The following ADGRL2 variants were observed in gnomAD, a reference collection of about 807,000 sequenced individuals.
ADGRL2 encodes adhesion G protein-coupled receptor L2, also known as calcium-independent alpha-latrotoxin receptor 2.
Under a neutral mutation model 157.4 loss-of-function variants are expected in ADGRL2, and 44 were observed. That is an observed-to-expected ratio of 0.28 (90% CI 0.22 to 0.36). The LOEUF is 0.36. ADGRL2 is among the 10% of genes least tolerant of loss of function. The pLI, the probability that ADGRL2 is intolerant of heterozygous loss-of-function variation, is 1.00. For missense variants in ADGRL2, 1,510 were observed against 1,768.9 expected (o/e 0.85, Z 2.63); for synonymous variants, 585 against 624.7 (o/e 0.94, Z 0.95).
chr1:81,990,487 A>G lies in ADGRL2; in HGVS notation c.3752A>G (p.Tyr1251Cys), dbSNP rs1205396115. 1.2e-6 allele frequency: 2 copies of G among 1,614,010 alleles called. No homozygotes were observed. Among genetic ancestry groups the G allele is most frequent in the Non-Finnish European group, 1.7e-6 (2 of 1,179,984 alleles). ...AGCTACTCGCTGCACAAGGGTGACT[A>G]TAATGACAGCGTGCAAGTTGTGGAC... ...NNSYSLHKGDYNDSVQVVDCG... is the reference protein window; with the variant it reads ...NNSYSLHKGDCNDSVQVVDCG... Residue 1251 changes from tyrosine (Y) to cysteine (C), a missense_variant, in exon 24 of 24, where the codon TAT (tyrosine) becomes TGT (cysteine). Transcript: ENST00000686636.
At chr1:81,425,520 A>C (rs975653635) in intron 1 of ADGRL2, among the ~76,000 whole-genome samples, 3 of 152,234 alleles carry the variant, frequency 2.0e-5, no homozygotes, top group African/African-American at 7.2e-5. Context: ...TGCCTGGCTC[A>C]TGGCAAGTTT....
Position 81,619,275 on chromosome 1 carries a change from C to CT in ADGRL2, c.-143+38309dup, listed in dbSNP as rs36114889. ...ACACCAAAGTCCAGCACAGTTGTGG[C>CT]TTTTTTTTTTTTTTAAGGTGTCTGC... On this transcript the variant is annotated intron_variant, in intron 3 of 24. Coordinates refer to the ADGRL2 transcript ENST00000370721. Among the ~76,000 whole-genome samples the CT allele has an allele frequency of 1.6e-3, 226 of 145,726 alleles. 3 individuals carry two copies. The highest frequency in any genetic ancestry group is 4.2e-3 in the South Asian group (19 of 4,564).
intron 1 of ADGRL2, among the ~76,000 whole-genome samples, chr1:81,383,358 G>T (rs2076375201): frequency 6.6e-6 from 1 of 151,922 alleles, no homozygotes; most frequent in African/African-American, 2.4e-5. Context: ...AGGTAAAAAC[G>T]GCTTTCATGT....
intron 1 of ADGRL2, among the ~76,000 whole-genome samples, chr1:81,421,992 T>G (rs1228081265): frequency 6.6e-6 from 1 of 152,184 alleles, no homozygotes; most frequent in Non-Finnish European, 1.5e-5. Flanking sequence ...TTCTTAATAG[T>G]ATTACTTACA....
Position 81,600,568 on chromosome 1 carries a change from A to G in ADGRL2, c.-143+19588A>G, listed in dbSNP as rs552835373. Among the ~76,000 whole-genome samples the G allele has an allele frequency of 2.6e-5, 4 of 152,344 alleles. No homozygotes were observed. In the South Asian group the frequency reaches 8.3e-4, roughly 32 times the overall value. Reference sequence around the variant, plus strand: ...TGCCTGATTTGCAGTTCTGCACTCTATCAGAATTTTATATCTGGAAGATAA... The same window carrying G: ...TGCCTGATTTGCAGTTCTGCACTCTGTCAGAATTTTATATCTGGAAGATAA... On this transcript the variant is annotated intron_variant, in intron 3 of 24. Transcript: ENST00000370721.
chr1:81,707,564 A>G (rs2083778722), intron 1 of ADGRL2, among the ~76,000 whole-genome samples: 1 of 152,202 alleles, frequency 6.6e-6, no homozygotes, highest in Non-Finnish European at 1.5e-5. Flanking sequence ...CTACCTTATT[A>G]GGCTTAGTTT....
intron 3 of ADGRL2, among the ~76,000 whole-genome samples, chr1:81,613,006 G>A (rs184277763): frequency 3.9e-5 from 6 of 152,250 alleles, no homozygotes; most frequent in African/African-American, 1.2e-4. Flanking sequence ...CATGGTCCCT[G>A]TCCTCAAAGA....
At chr1:81,398,712 T>C (rs1159771191) in intron 1 of ADGRL2, among the ~76,000 whole-genome samples, 1 of 152,216 alleles carries the variant, frequency 6.6e-6, no homozygotes, top group Non-Finnish European at 1.5e-5. Flanking sequence ...TTCAACACTT[T>C]GAATATATCA....
Position 81,991,326 on chromosome 1 carries a change from T to G in ADGRL2, c.*181T>G, listed in dbSNP as rs534548504. On this transcript the variant is annotated 3_prime_UTR_variant, in exon 24 of 24. Transcript: ENST00000686636. The stretch of plus-strand genomic sequence containing the variant: ...AATTTTTATAAAACATACAAAAACT[T>G]TGTATATACACAGAGTATACTAAAG... 1.8e-6 allele frequency: 1 copy of G among 544,778 alleles called. No homozygotes were observed. The highest frequency in any genetic ancestry group is 1.9e-5 in the African/African-American group (1 of 53,522). 33.7% of individuals were successfully genotyped at this position (544,778 alleles called of 1,614,324 possible).
At chr1:81,502,250 C>G in intron 2 of ADGRL2, 1 of 1,612,818 alleles carries the variant, frequency 6.2e-7, no homozygotes, top group South Asian at 1.1e-5. Context: ...TAAAGAAGAC[C>G]ATACCAAAGA....
Position 81,943,144 on chromosome 1 carries a change from T to G in ADGRL2, c.585T>G (p.Asp195Glu), listed in dbSNP as rs1167668750. ...DTLIEYASLE[D>E]FQNSRQTTTY... ...TAATAGAATATGCTTCTTTAGAAGA[T>G]TTCCAAAATAGTCGCCAAACAACAA... The change falls in exon 6 of 24, where the codon GAT becomes GAG. Residue 195 changes from aspartate to glutamate, a missense_variant. Coordinates refer to ENST00000686636, the MANE Select transcript of ADGRL2 (RefSeq NM_001366006.2). This position sits in a 1 kb window ranked among gnomAD's most constrained non-coding sequence, Gnocchi z 5.6. 6.2e-7 allele frequency: 1 copy of G among 1,613,570 alleles called. No homozygotes were observed. Among genetic ancestry groups the G allele is most frequent in the Admixed American group, 1.7e-5 (1 of 59,920 alleles).
chr1:81,490,558 A>G (rs2078610323), intron 2 of ADGRL2, among the ~76,000 whole-genome samples: 1 of 152,222 alleles, frequency 6.6e-6, no homozygotes, highest in African/African-American at 2.4e-5. Context: ...AGTATTCTCA[A>G]CCTCATTAGC....
chr1:81,686,918 A>T (rs2083239485), intron 3 of ADGRL2, among the ~76,000 whole-genome samples: 1 of 152,194 alleles, frequency 6.6e-6, no homozygotes, highest in Non-Finnish European at 1.5e-5. Flanking sequence ...CAGGTTATTT[A>T]ATTTCCATGC....
intron 1 of ADGRL2, among the ~76,000 whole-genome samples, chr1:81,354,247 C>T (rs1381448966): frequency 2.0e-5 from 3 of 152,150 alleles, no homozygotes; most frequent in African/African-American, 4.8e-5. Flanking sequence ...ACTAGTAGGG[C>T]AAATAAATCT....
At chr1:81,333,377 C>T (rs1460835642) in intron 1 of ADGRL2, among the ~76,000 whole-genome samples, 1 of 151,638 alleles carries the variant, frequency 6.6e-6, no homozygotes. Context: ...TTATGCTGGG[C>T]ACCTCCTTGA....
chr1:81,507,091 T>G (rs2078990370), intron 2 of ADGRL2, among the ~76,000 whole-genome samples: 1 of 152,002 alleles, frequency 6.6e-6, no homozygotes, highest in South Asian at 2.1e-4. Context: ...TGGAGGAATT[T>G]TTTTTTTTAA....
chr1:81,902,675 C>T (rs1260191555), intron 2 of ADGRL2, among the ~76,000 whole-genome samples: 3 of 24,328 alleles, frequency 1.2e-4, no homozygotes, highest in Admixed American at 7.8e-4. Context: ...GATAGTCAGA[C>T]TGTGTCAGAA....
At chr1:81,476,220 C>A (rs1480206375) in intron 2 of ADGRL2, among the ~76,000 whole-genome samples, 1 of 151,942 alleles carries the variant, frequency 6.6e-6, no homozygotes, top group African/African-American at 2.4e-5. Context: ...AAGAATGAAA[C>A]AAGGAAGGAA....
At chr1:81,828,416 T>A (rs1245428792) in intron 1 of ADGRL2, among the ~76,000 whole-genome samples, 10 of 152,162 alleles carry the variant, frequency 6.6e-5, no homozygotes, top group Non-Finnish European at 5.9e-5. Flanking sequence ...TGTTTTTTTT[T>A]AAGCAGATTT....
Sources: gnomAD v4.1 joint callset for allele counts (sites outside exome capture counted in the v4.1 genomes callset) on GRCh38, gnomAD v4.1.1 for gene constraint, Gnocchi (gnomAD v3.1) non-coding constraint, MANE v1.5 for transcripts, NCBI Gene and HGNC (gene_info 2026-07-23, HGNC 2026-07-21) for gene names.